MTUS2: variants seen among roughly 807,000 people sequenced by gnomAD.
MTUS2 encodes the protein microtubule-associated tumor suppressor candidate 2.
MTUS2 carries 40 observed loss-of-function variants against 114.1 expected under a neutral mutation model. The ratio of observed to expected loss-of-function variants is 0.35; its 90% confidence interval spans 0.27 to 0.46. MTUS2 has a LOEUF of 0.46. Ranked by LOEUF, MTUS2 falls within the 20% of genes least tolerant of loss-of-function variation. MTUS2 has a pLI of 1.00. For synonymous variants in MTUS2, 688 were observed against 672.0 expected (o/e 1.02, Z -0.37); for missense variants, 1,679 against 1,705.4 (o/e 0.98, Z 0.27).
chr13:29,339,185 G>A (rs531280630), intron 7 of MTUS2, among the ~76,000 whole-genome samples: 31 of 152,236 alleles, frequency 2.0e-4, no homozygotes, highest in African/African-American at 6.0e-4. Context: ...GAGCTCCCAA[G>A]GTGGCTCTTC....
chr13:29,304,910 T>A (rs1023893713), intron 6 of MTUS2, among the ~76,000 whole-genome samples: 3 of 150,566 alleles, frequency 2.0e-5, no homozygotes, highest in Non-Finnish European at 4.4e-5. Flanking sequence ...TCAGCAAATG[T>A]AAAAAAAAAC....
chr13:29,153,269 G>T (rs183246875), intron 5 of MTUS2, among the ~76,000 whole-genome samples: 20 of 152,256 alleles, frequency 1.3e-4, no homozygotes, highest in Admixed American at 5.9e-4. Context: ...GGCCTAGAGA[G>T]ACCTCAGAAG....
In MTUS2 at chr13:29,060,543, CT is replaced by C. The variant is rs1162860492; in HGVS notation, c.2446+26440del. 5.9e-3 allele frequency among the ~76,000 whole-genome samples: 593 copies of C among 101,200 alleles called. 9 individuals carry two copies. The highest frequency in any genetic ancestry group is 0.02 in the African/African-American group (531 of 26,800). The allele number at this position is 101,200 out of a possible 152,430, so 66.4% of individuals were successfully genotyped here. On this transcript the variant is annotated intron_variant, in intron 4 of 15. Coordinates refer to ENST00000612955, the MANE Select transcript of MTUS2 (RefSeq NM_001033602.4). The stretch of plus-strand genomic sequence containing the variant: ...CCCAATGTGGTTTCTCCTAGCCCTT[CT>C]TTTTTTTTTTTTTTTTTTTTTACTA...
In MTUS2 at chr13:29,416,834, T is replaced by G. The variant is rs114324650; in HGVS notation, c.3118-23149T>G. On this transcript the variant is annotated intron_variant, in intron 8 of 15. Transcript: ENST00000612955. ...ACCTTTTTGCCTAGAGGTTTTGTTT[T>G]GTTTTGTTTTGTTTTGTTTTCAGTC... Among the ~76,000 whole-genome samples, 576 of 152,234 alleles carry G rather than the reference T, an allele frequency of 3.8e-3. 4 individuals carry two copies. The highest frequency in any genetic ancestry group is 0.014 in the Middle Eastern group (4 of 294).
intron 2 of MTUS2, among the ~76,000 whole-genome samples, chr13:28,854,405 T>A (rs1162636529): frequency 6.6e-6 from 1 of 152,180 alleles, no homozygotes; most frequent in African/African-American, 2.4e-5. Context: ...TTCCCACATC[T>A]GTAAAACAGA....
At chr13:29,096,250 AC>A (rs1890174992) in intron 4 of MTUS2, among the ~76,000 whole-genome samples, 1 of 152,160 alleles carries the variant, frequency 6.6e-6, no homozygotes, top group Non-Finnish European at 1.5e-5. Context: ...ACACAATCAC[AC>A]TAAGAATGTT....
chr13:29,160,040 T>A (rs1893028509), intron 5 of MTUS2, among the ~76,000 whole-genome samples: 1 of 152,184 alleles, frequency 6.6e-6, no homozygotes, highest in Non-Finnish European at 1.5e-5. Context: ...AAAAATCCTA[T>A]ACACCATTGC....
At chr13:29,172,104 A>G (rs952394008) in intron 5 of MTUS2, among the ~76,000 whole-genome samples, 1 of 152,212 alleles carries the variant, frequency 6.6e-6, no homozygotes, top group African/African-American at 2.4e-5. Flanking sequence ...TTGGAGAGAA[A>G]AGGTGATTGT....
At chr13:29,202,015 G>T (rs1465538841) in intron 5 of MTUS2, among the ~76,000 whole-genome samples, 1 of 152,114 alleles carries the variant, frequency 6.6e-6, no homozygotes, top group Non-Finnish European at 1.5e-5. Context: ...TATCTTAGTG[G>T]TGTTCTCTGT....
chr13:29,262,551 G>A (rs35069356), intron 5 of MTUS2, among the ~76,000 whole-genome samples: 1,959 of 148,846 alleles, frequency 0.013, 27 homozygotes, highest in East Asian at 0.082. Flanking sequence ...CCCCTATAAT[G>A]ATTAAATTGT....
intron 6 of MTUS2, among the ~76,000 whole-genome samples, chr13:29,299,324 G>C (rs947192989): frequency 6.6e-6 from 1 of 152,150 alleles, no homozygotes; most frequent in African/African-American, 2.4e-5. Flanking sequence ...CAGACATCCC[G>C]GGACTAAGGA....
chr13:28,875,235 T>C (rs1209111572), intron 2 of MTUS2, among the ~76,000 whole-genome samples: 1 of 151,156 alleles, frequency 6.6e-6, no homozygotes, highest in Non-Finnish European at 1.5e-5. Flanking sequence ...GTTAAATGAA[T>C]GAATAAACAA....
In MTUS2 at chr13:29,025,369, C is replaced by T. The variant is rs756286579; in HGVS notation, c.671C>T (p.Ala224Val). 9.3e-6 allele frequency: 15 copies of T among 1,613,874 alleles called. 1 individual carries two copies. In the Middle Eastern group the frequency reaches 1.8e-3, roughly 195 times the overall value. Residue 224 changes from alanine to valine, a missense_variant, in exon 3 of 16, where the codon GCT becomes GTT. Transcript: ENST00000612955. ...CCACAGAAGACATTGCCAGACCACG[C>T]TGTCCCGGCAGCTTTCCCTGCAACT... ...EGPQKTLPDH[A>V]VPAAFPATDS...
chr13:29,149,910 ATGGTAGCCTTGTAG>A (rs1322761550), intron 5 of MTUS2, among the ~76,000 whole-genome samples: 2 of 152,118 alleles, frequency 1.3e-5, no homozygotes, highest in African/African-American at 4.8e-5. Context: ...TGTTTTGGTT[ATGGTAGCCTTGTAG>A]TATATAGTTT....
chr13:29,192,700 A>C lies in MTUS2; in HGVS notation c.2645-89004A>C, dbSNP rs533348555. 2.0e-3 allele frequency among the ~76,000 whole-genome samples: 298 copies of C among 152,336 alleles called. 1 individual carries two copies. The highest frequency in any genetic ancestry group is 5.4e-3 in the South Asian group (26 of 4,832). On this transcript the variant is annotated intron_variant, in intron 5 of 15. Coordinates refer to ENST00000612955, the MANE Select transcript of MTUS2 (RefSeq NM_001033602.4). ...AAAAATATTTCTTAAAGTTAAAAAA[A>C]CTTATGATTCGCCTAAAAAAAGAAA... is the stretch of plus-strand genomic sequence containing the variant.
At chr13:29,382,030 C>G (rs1408277918) in intron 8 of MTUS2, among the ~76,000 whole-genome samples, 1 of 152,174 alleles carries the variant, frequency 6.6e-6, no homozygotes, top group Non-Finnish European at 1.5e-5. Flanking sequence ...CACGCATGCT[C>G]TATGCCCTCA....
intron 5 of MTUS2, among the ~76,000 whole-genome samples, chr13:29,115,954 C>G (rs953556570): frequency 6.6e-6 from 1 of 152,190 alleles, no homozygotes; most frequent in Admixed American, 6.5e-5. Flanking sequence ...GGGGCCATAA[C>G]AGAGCATGAT....
chr13:29,018,290 G>T (rs1366494872), intron 2 of MTUS2, among the ~76,000 whole-genome samples: 1 of 152,170 alleles, frequency 6.6e-6, no homozygotes, highest in Non-Finnish European at 1.5e-5. Context: ...CTGTCATTGG[G>T]CTGGGCCACT....
intron 9 of MTUS2, among the ~76,000 whole-genome samples, chr13:29,479,537 G>A (rs887211609): frequency 3.9e-5 from 6 of 152,190 alleles, no homozygotes; most frequent in African/African-American, 1.4e-4. Flanking sequence ...ATGCAAAAGA[G>A]ATACCGAGTA....
Sources: gnomAD v4.1 joint callset for allele counts (sites outside exome capture counted in the v4.1 genomes callset) on GRCh38, gnomAD v4.1.1 for gene constraint, MANE v1.5 for transcripts, NCBI Gene and HGNC (gene_info 2026-07-23, HGNC 2026-07-21) for gene names.